The following PCDHGB3 variants were observed in gnomAD, a reference collection of about 807,000 sequenced individuals.
PCDHGB3 encodes the protein protocadherin gamma subfamily B, 3, also known as protocadherin gamma-B3.
A neutral mutation model predicts 59.2 loss-of-function variants in PCDHGB3; 40 were observed. The ratio of observed to expected loss-of-function variants is 0.68; its 90% CI spans 0.52 to 0.88. The LOEUF is 0.88. Ranked by LOEUF, PCDHGB3 falls within the 40% of genes least tolerant of loss-of-function variation. The probability of loss-of-function intolerance (pLI) is 0.00; values close to 1 mark genes in which losing one functional copy is unlikely to be tolerated. For synonymous variants in PCDHGB3, 581 were observed against 503.6 expected (o/e 1.15, Z -2.06); for missense variants, 1,309 against 1,187.9 (o/e 1.10, Z -1.50).
intron 1 of PCDHGB3, among the ~76,000 whole-genome samples, chr5:141,464,240 G>A (rs1396190870): frequency 1.3e-5 from 2 of 150,444 alleles, no homozygotes; most frequent in Non-Finnish European, 2.9e-5. Context: ...ACTCCAGCCT[G>A]GGCTACAGAG....
chr5:141,460,587 T>C (rs1461971599), intron 1 of PCDHGB3, among the ~76,000 whole-genome samples: 1 of 152,170 alleles, frequency 6.6e-6, no homozygotes, highest in Non-Finnish European at 1.5e-5. Flanking sequence ...TGTGGGTTTT[T>C]TCTGGGCTCT....
rs372648693 is a variant in PCDHGB3, at chr5:141,417,997, G to A, written c.2415+45188G>A. 244 of 1,613,872 alleles carry A rather than the reference G, an allele frequency of 1.5e-4. No homozygotes were observed. The Middle Eastern group carries it at 3.5e-3, about 23-fold the overall frequency. On this transcript the variant is annotated intron_variant, in intron 1 of 3. Transcript: ENST00000576222. ...CGGAGGAGCTGGCCAAGGGCTCGGT[G>A]GTGGGGAACCTCGCTAAGGATCTAG...
At chr5:141,397,507 T>C (rs2093532297) in intron 1 of PCDHGB3, among the ~76,000 whole-genome samples, 1 of 152,222 alleles carries the variant, frequency 6.6e-6, no homozygotes, top group Non-Finnish European at 1.5e-5. Flanking sequence ...GATAAAATTG[T>C]TTCCATAGCT....
intron 1 of PCDHGB3, among the ~76,000 whole-genome samples, chr5:141,454,209 T>A (rs2098783885): frequency 6.6e-6 from 1 of 152,088 alleles, no homozygotes; most frequent in South Asian, 2.1e-4. Flanking sequence ...TTTATTGACA[T>A]GAATGAGAAA....
chr5:141,445,303 G>A (rs145466142), intron 1 of PCDHGB3, among the ~76,000 whole-genome samples: 327 of 152,332 alleles, frequency 2.1e-3, no homozygotes, highest in African/African-American at 7.6e-3. Context: ...ATTCTCTTCA[G>A]TTTGTAGGTT....
chr5:141,376,780 G>A (rs1466188950), intron 1 of PCDHGB3: 2 of 383,610 alleles, frequency 5.2e-6, no homozygotes, highest in African/African-American at 2.2e-5. Flanking sequence ...TCCGCTTCCC[G>A]GGTTCACGCC....
Position 141,371,384 on chromosome 5 carries a change from T to C in PCDHGB3, c.990T>C (p.Tyr330=). 2.5e-6 allele frequency: 4 copies of C among 1,613,984 alleles called. No individual in the cohort carries two copies. Among genetic ancestry groups the C allele is most frequent in the Non-Finnish European group, 3.4e-6 (4 of 1,179,884 alleles). Reference sequence around the variant, plus strand: ...AGGATGGTGGACATCACACTGCATATTGTAAAGTACAGATAGATATTTCAG... The same window carrying C: ...AGGATGGTGGACATCACACTGCATACTGTAAAGTACAGATAGATATTTCAG... The part of the protein sequence containing the change: ...EAKDGGHHTA[Y]CKVQIDISDE... Residue 330 remains tyrosine, a synonymous_variant, in exon 1 of 4, where the codon TAT becomes TAC. Transcript: ENST00000576222.
chr5:141,385,481 G>A, intron 1 of PCDHGB3: 8 of 1,422,472 alleles, frequency 5.6e-6, no homozygotes, highest in Non-Finnish European at 6.4e-6. Context: ...CTTTAATATA[G>A]AACACATAGG....
chr5:141,437,371 A>C (rs887976412), intron 1 of PCDHGB3, among the ~76,000 whole-genome samples: 1 of 152,262 alleles, frequency 6.6e-6, no homozygotes, highest in African/African-American at 2.4e-5. Context: ...GAATGTAATC[A>C]GTCAGAAGAC....
chr5:141,379,512 A>C (rs1476847864), intron 1 of PCDHGB3: 1 of 152,258 alleles, frequency 6.6e-6, no homozygotes, highest in African/African-American at 2.4e-5. Context: ...GTTAAACTAC[A>C]TCTTGAGCAT....
chr5:141,370,668 C>A lies in PCDHGB3; in HGVS notation c.274C>A (p.Arg92=). ...GNLLVSDRID[R]EEICGKKSTC... ...CTTACTTGTGAGCGACCGTATAGAC[C>A]GAGAGGAGATTTGTGGCAAGAAGTC... The change falls in exon 1 of 4, where the codon CGA becomes AGA. Residue 92 remains arginine, a synonymous_variant. Transcript: ENST00000576222. 5 of 1,613,762 alleles carry A rather than the reference C, an allele frequency of 3.1e-6. No homozygotes were observed. Among genetic ancestry groups the A allele is most frequent in the Middle Eastern group, 3.3e-4 (2 of 6,062 alleles).
At chr5:141,472,507 T>G (rs919448316) in intron 1 of PCDHGB3, among the ~76,000 whole-genome samples, 2 of 151,872 alleles carry the variant, frequency 1.3e-5, no homozygotes, top group African/African-American at 4.8e-5. Context: ...GCCACTGCAC[T>G]CCAGCCTGGG....
Position 141,476,247 on chromosome 5 carries a change from G to A in PCDHGB3, c.2416-18560G>A. The A allele has an allele frequency of 6.2e-7, 1 of 1,614,042 alleles. No individual in the cohort carries two copies. Among genetic ancestry groups the A allele is most frequent in the Non-Finnish European group, 8.5e-7 (1 of 1,180,010 alleles). Reference sequence around the variant, plus strand: ...GAGATCCCGGAGGAAAGAGAGAAGGGTTTCGCTGTGGGCAACGTGGTCGCG... The same window carrying A: ...GAGATCCCGGAGGAAAGAGAGAAGGATTTCGCTGTGGGCAACGTGGTCGCG... On this transcript the variant is annotated intron_variant, in intron 1 of 3. Transcript: ENST00000576222. This position sits in a 1 kb window ranked among gnomAD's most constrained non-coding sequence, Gnocchi z 7.6.
Position 141,432,153 on chromosome 5 carries a change from A to T in PCDHGB3, c.2415+59344A>T. 6.2e-7 allele frequency: 1 copy of T among 1,613,758 alleles called. No homozygotes were observed. The highest frequency in any genetic ancestry group is 8.5e-7 in the Non-Finnish European group (1 of 1,179,910). On this transcript the variant is annotated intron_variant, in intron 1 of 3. Transcript: ENST00000576222. This position sits in a 1 kb window ranked among gnomAD's most constrained non-coding sequence, Gnocchi z 6.0. ...TATTCCGCTTATATCCCAGAGAACA[A>T]TCCCAGAGGAGTTTCCCTCGTCTCT...
At position 141,505,489 on chromosome 5, in the gene PCDHGB3, G is replaced by A. The variant is rs759637750; in HGVS notation, c.2563+8G>A. On this transcript the variant is annotated splice_region_variant and intron_variant, in intron 3 of 3. Coordinates refer to ENST00000576222, the MANE Select transcript of PCDHGB3 (RefSeq NM_018924.5). ...TCTTGGCGTCCGCCAGTGGTAAGTG[G>A]TGTCAGTGTGTGTATGGAAGAGTGG... The A allele has an allele frequency of 6.2e-7, 1 of 1,614,218 alleles. No homozygotes were observed. The highest frequency in any genetic ancestry group is 1.7e-5 in the Admixed American group (1 of 60,032).
chr5:141,383,381 A>G, intron 1 of PCDHGB3: 2 of 1,614,034 alleles, frequency 1.2e-6, no homozygotes, highest in Non-Finnish European at 1.7e-6. Flanking sequence ...GGGGATCCAG[A>G]TGTGGGCACG....
chr5:141,486,940 A>T lies in PCDHGB3; in HGVS notation c.2416-7867A>T. ...CTCCATCAGTTGGTGCTGGCCACCTAATCACAAAGGTGACTGCTGTGGACT... is the reference window on the plus strand; with the variant it reads ...CTCCATCAGTTGGTGCTGGCCACCTTATCACAAAGGTGACTGCTGTGGACT... On this transcript the variant is annotated intron_variant, in intron 1 of 3. Coordinates refer to ENST00000576222, the MANE Select transcript of PCDHGB3 (RefSeq NM_018924.5). This position sits in a 1 kb window ranked among gnomAD's most constrained non-coding sequence, Gnocchi z 5.0. 6.2e-7 allele frequency: 1 copy of T among 1,614,188 alleles called. No homozygotes were observed. Among genetic ancestry groups the T allele is most frequent in the Non-Finnish European group, 8.5e-7 (1 of 1,180,032 alleles).
intron 1 of PCDHGB3, chr5:141,408,692 ATAAAC>A: frequency 1.2e-6 from 2 of 1,613,906 alleles, no homozygotes; most frequent in Non-Finnish European, 1.7e-6. Flanking sequence ...TGATATAAAC[ATAAAC>A]TCAATTAAAG....
intron 1 of PCDHGB3, among the ~76,000 whole-genome samples, chr5:141,434,748 C>T (rs932613622): frequency 2.0e-5 from 3 of 151,818 alleles, no homozygotes; most frequent in African/African-American, 7.3e-5. Flanking sequence ...CTATGAGACC[C>T]CTGATTCCCC....
Sources: allele counts gnomAD v4.1 joint callset (sites outside exome capture counted in the v4.1 genomes callset), GRCh38; gene constraint gnomAD v4.1.1; non-coding constraint Gnocchi (gnomAD v3.1); transcripts MANE v1.5; gene names NCBI Gene and HGNC (gene_info 2026-07-23, HGNC 2026-07-21).